Variants in SEMA6D observed in about 807,000 individuals in gnomAD.
SEMA6D encodes semaphorin 6D.
Under a neutral mutation model 106.6 loss-of-function variants are expected in SEMA6D, and 35 were observed. The observed-to-expected ratio is 0.33, with a 90% CI of 0.25 to 0.44. The LOEUF is 0.44. Among genes scored for constraint, SEMA6D ranks in the 20% least tolerant of loss-of-function variants. The probability of loss-of-function intolerance (pLI) is 1.00; values close to 1 mark genes in which losing one functional copy is unlikely to be tolerated. For missense variants in SEMA6D, 1,185 were observed against 1,345.9 expected (o/e 0.88, Z 1.87); for synonymous variants, 499 against 487.7 (o/e 1.02, Z -0.31).
intron 2 of SEMA6D, among the ~76,000 whole-genome samples, chr15:47,435,774 G>A (rs1224531181): frequency 6.6e-6 from 1 of 151,890 alleles, no homozygotes; most frequent in Non-Finnish European, 1.5e-5. Context: ...ATCATGTTTT[G>A]GGCCACTAAG....
intron 1 of SEMA6D, among the ~76,000 whole-genome samples, chr15:47,367,690 G>GCACACA (rs1211649920): frequency 6.9e-5 from 3 of 43,554 alleles, no homozygotes; most frequent in Admixed American, 2.2e-4. Context: ...GCGCGCGCGC[G>GCACACA]CGCACACACA....
Position 47,771,497 on chromosome 15 carries a change from T to C in SEMA6D, c.2934T>C (p.Pro978=). The change falls in exon 19 of 19, where the codon CCT becomes CCC. Residue 978 remains proline, a synonymous_variant. Coordinates refer to ENST00000536845, the MANE Select transcript of SEMA6D (RefSeq NM_001358351.3). ...AGAGGCACTCTATATCTGCTATGCC[T>C]AAAAACTTAAACTCACCAAATGGTG... ...SSQRHSISAM[P]KNLNSPNGVL... is the part of the protein sequence containing the mutation. 1 of 1,614,102 alleles carries C rather than the reference T, an allele frequency of 6.2e-7. No homozygotes were observed. The highest frequency in any genetic ancestry group is 8.5e-7 in the Non-Finnish European group (1 of 1,179,980).
intron 4 of SEMA6D, among the ~76,000 whole-genome samples, chr15:47,695,169 G>C (rs1046647636): frequency 6.6e-6 from 1 of 152,154 alleles, no homozygotes; most frequent in Non-Finnish European, 1.5e-5. Flanking sequence ...TGTAAATCAA[G>C]ATTCTGTGGA....
chr15:47,360,271 T>C (rs1190998039), intron 1 of SEMA6D, among the ~76,000 whole-genome samples: 1 of 152,222 alleles, frequency 6.6e-6, no homozygotes, highest in African/African-American at 2.4e-5. Flanking sequence ...TAAGTTTGTA[T>C]CATTCTTCAG....
intron 1 of SEMA6D, among the ~76,000 whole-genome samples, chr15:47,336,455 G>A (rs191745050): frequency 1.3e-5 from 2 of 152,308 alleles, no homozygotes; most frequent in African/African-American, 2.4e-5. Flanking sequence ...GCAAAAGCCT[G>A]TGAGCACCTC....
Position 47,567,566 on chromosome 15 carries a change from A to C in SEMA6D, c.-86-33299A>C, listed in dbSNP as rs956198666. ...TTTCCCTCTCTTCATTTAGGTTTCCATCAGAATGTGACCTCTTTGAAAACC... is the reference window on the plus strand; with the variant it reads ...TTTCCCTCTCTTCATTTAGGTTTCCCTCAGAATGTGACCTCTTTGAAAACC... On this transcript the variant is annotated intron_variant, in intron 3 of 19. Transcript: ENST00000558014. Among the ~76,000 whole-genome samples, 8 of 152,274 alleles carry C rather than the reference A, an allele frequency of 5.3e-5. No individual in the cohort carries two copies. In the East Asian group the frequency reaches 1.5e-3, roughly 29 times the overall value.
chr15:47,647,174 A>G (rs1452735324), intron 4 of SEMA6D, among the ~76,000 whole-genome samples: 1 of 152,224 alleles, frequency 6.6e-6, no homozygotes, highest in Non-Finnish European at 1.5e-5. Context: ...TATGAGAGCA[A>G]CATTTTGGAT....
intron 4 of SEMA6D, among the ~76,000 whole-genome samples, chr15:47,659,063 T>C (rs1419903849): frequency 6.6e-6 from 1 of 152,244 alleles, no homozygotes; most frequent in Non-Finnish European, 1.5e-5. Flanking sequence ...AATGAACTTA[T>C]GGAATCCAAA....
intron 1 of SEMA6D, among the ~76,000 whole-genome samples, chr15:47,374,852 G>A (rs918455528): frequency 2.6e-5 from 4 of 152,138 alleles, no homozygotes; most frequent in African/African-American, 7.2e-5. Flanking sequence ...GAGTGGGAAA[G>A]GTAAGAAAAT....
chr15:47,771,774 T>C lies in SEMA6D; in HGVS notation c.3211T>C (p.Tyr1071His), dbSNP rs1315826737. Residue 1071 changes from tyrosine (Y) to histidine (H), a missense_variant, in exon 19 of 19, where the codon TAC becomes CAC. This residue lies in a region of SEMA6D where 750 missense variants were observed against 783.5 expected (regional missense o/e 0.96). Transcript: ENST00000536845. ...CCCATCTGTCAGACCACTGAACAAA[T>C]ACACATACTAGGCCTCAAGTGTGCT... is the stretch of plus-strand genomic sequence containing the variant. ...QTPSVRPLNKYTY is the reference protein window; with the variant it reads ...QTPSVRPLNKHTY 2 of 1,612,838 alleles carry C rather than the reference T, an allele frequency of 1.2e-6. No individual in the cohort carries two copies. The highest frequency in any genetic ancestry group is 4.5e-5 in the East Asian group (2 of 44,862).
intron 2 of SEMA6D, among the ~76,000 whole-genome samples, chr15:47,438,144 T>C (rs1224411712): frequency 2.6e-5 from 4 of 152,116 alleles, no homozygotes; most frequent in Non-Finnish European, 2.9e-5. Flanking sequence ...CTTGGAGTTA[T>C]CCTTGACACC....
intron 1 of SEMA6D, among the ~76,000 whole-genome samples, chr15:47,367,727 C>CAG (rs1229585973): frequency 3.6e-4 from 54 of 148,022 alleles, no homozygotes; most frequent in African/African-American, 1.0e-3. Context: ...CACACACACA[C>CAG]AGAGAGAGAG....
At chr15:47,247,252 T>C (rs901520229) in intron 1 of SEMA6D, among the ~76,000 whole-genome samples, 1 of 152,078 alleles carries the variant, frequency 6.6e-6, no homozygotes. Flanking sequence ...GAAAGTTCTG[T>C]GGGAATCATG....
chr15:47,195,070 C>T (rs1304610577), intron 1 of SEMA6D, among the ~76,000 whole-genome samples: 3 of 152,126 alleles, frequency 2.0e-5, no homozygotes, highest in African/African-American at 7.2e-5. Flanking sequence ...CCTATTTCTC[C>T]TCCATACAAA....
chr15:47,644,661 C>G (rs1049077918), intron 4 of SEMA6D, among the ~76,000 whole-genome samples: 1 of 152,174 alleles, frequency 6.6e-6, no homozygotes, highest in Admixed American at 6.5e-5. Context: ...AGAAGGCCCT[C>G]GCCAGACACC....
At chr15:47,214,859 G>A (rs566661408) in intron 1 of SEMA6D, among the ~76,000 whole-genome samples, 1 of 152,024 alleles carries the variant, frequency 6.6e-6, no homozygotes, top group African/African-American at 2.4e-5. Flanking sequence ...TGGCAGATGG[G>A]CACAAAGACC....
At chr15:47,475,772 T>TA (rs1215322426) in intron 3 of SEMA6D, among the ~76,000 whole-genome samples, 3 of 152,204 alleles carry the variant, frequency 2.0e-5, no homozygotes, top group Admixed American at 6.5e-5. Flanking sequence ...ATCTGTAAAT[T>TA]AAAAAAATAA....
intron 1 of SEMA6D, among the ~76,000 whole-genome samples, chr15:47,723,591 C>G (rs552242252): frequency 1.3e-5 from 2 of 152,232 alleles, no homozygotes; most frequent in Admixed American, 6.5e-5. Flanking sequence ...TTAGATTGTA[C>G]TATACATTTT....
intron 1 of SEMA6D, among the ~76,000 whole-genome samples, chr15:47,255,200 G>GT (rs2033740495): frequency 6.6e-6 from 1 of 151,982 alleles, no homozygotes; most frequent in Admixed American, 6.6e-5. Flanking sequence ...GAACTTACCA[G>GT]TTTTTTCTAG....
Sources: allele counts gnomAD v4.1 joint callset (sites outside exome capture counted in the v4.1 genomes callset), GRCh38; gene constraint gnomAD v4.1.1; regional missense constraint gnomAD v4.1.1; transcripts MANE v1.5; gene names NCBI Gene and HGNC (gene_info 2026-07-23, HGNC 2026-07-21).